Variants in CMBL observed in about 807,000 individuals in gnomAD.
CMBL encodes carboxymethylenebutenolidase homolog.
A neutral mutation model predicts 28.7 loss-of-function variants in CMBL; 17 were observed. The ratio of observed to expected loss-of-function variants is 0.59; its 90% CI spans 0.41 to 0.89. The LOEUF (loss-of-function observed/expected upper bound fraction) is 0.89, where lower values mean the gene tolerates loss of function less well. Among genes scored for constraint, CMBL ranks in the 40% least tolerant of loss-of-function variants. The probability of loss-of-function intolerance (pLI) is 0.00; values close to 1 mark genes in which losing one functional copy is unlikely to be tolerated. For missense variants in CMBL, 310 were observed against 298.5 expected, an observed-to-expected ratio of 1.04 and a Z score of -0.28; for synonymous variants, 106 against 101.6, an observed-to-expected ratio of 1.04 and a Z score of -0.26.
Position 10,289,038 on chromosome 5 carries a change from C to T in CMBL, c.216-509G>A, listed in dbSNP as rs146582056. ...CCTATCCAGAGGGTATGTTCTAAGA[C>T]GGGCAGCAGAGCACAAACAAGCCTG... On this transcript the variant is annotated intron_variant, in intron 2 of 5. Coordinates refer to ENST00000296658, the MANE Select transcript of CMBL (RefSeq NM_138809.4). The surrounding 1 kb of genome is among the most constrained non-coding windows in gnomAD (Gnocchi z 4.3). 3.5e-3 allele frequency among the ~76,000 whole-genome samples: 539 copies of T among 152,300 alleles called. 2 individuals are homozygous for T. The highest frequency in any genetic ancestry group is 0.017 in the Middle Eastern group (5 of 294).
intron 1 of CMBL, among the ~76,000 whole-genome samples, chr5:10,296,410 A>C (rs547393322): frequency 6.6e-6 from 1 of 152,250 alleles, no homozygotes; most frequent in African/African-American, 2.4e-5. Context: ...CCTCCCAAGT[A>C]GCTGGTACTA....
intron 1 of CMBL, among the ~76,000 whole-genome samples, chr5:10,306,689 T>C (rs1410554159): frequency 6.6e-6 from 1 of 152,212 alleles, no homozygotes; most frequent in Non-Finnish European, 1.5e-5. Context: ...TACTTATCCT[T>C]AGATGATTCT....
rs764854967 is a variant in CMBL at position 10,288,410 on chromosome 5, C to T, written c.323+12G>A. 8 of 1,602,940 alleles carry T rather than the reference C, an allele frequency of 5.0e-6. No homozygotes were observed. The highest frequency in any genetic ancestry group is 1.1e-5 in the South Asian group (1 of 90,870). On this transcript the variant is annotated intron_variant, in intron 3 of 5. Transcript: ENST00000296658. ...CACAACGTGCACATGGCCACGTCTG[C>T]GGATAACTCACCTATCGATCTTCTG... is the stretch of plus-strand genomic sequence containing the variant.
Position 10,289,652 on chromosome 5 carries a change from T to C in CMBL, c.215+896A>G, listed in dbSNP as rs536023024. 9.2e-5 allele frequency among the ~76,000 whole-genome samples: 14 copies of C among 152,266 alleles called. No homozygotes were observed. Among genetic ancestry groups the C allele is most frequent in the Admixed American group, 2.6e-4 (4 of 15,308 alleles). On this transcript the variant is annotated intron_variant, in intron 2 of 5. Transcript: ENST00000296658. This position sits in a 1 kb window ranked among gnomAD's most constrained non-coding sequence, Gnocchi z 4.3. ...GTCTGGCTGAGCAACTGAAACTAGC[T>C]ATTTATTTACTTATTTATTTTTACT... is the stretch of plus-strand genomic sequence containing the variant.
intron 1 of CMBL, among the ~76,000 whole-genome samples, chr5:10,292,888 A>T (rs1267262071): frequency 2.6e-5 from 4 of 151,946 alleles, no homozygotes; most frequent in Admixed American, 2.6e-4. Context: ...CACTAAACCC[A>T]AAGACATATG....
intron 5 of CMBL, 100 bp downstream of exon 5, chr5:10,282,097 T>C: frequency 2.6e-6 from 2 of 764,582 alleles, no homozygotes; most frequent in South Asian, 3.2e-5. Flanking sequence ...GAGGTGGAGG[T>C]TGCAGTGAGC....
intron 4 of CMBL, among the ~76,000 whole-genome samples, chr5:10,285,692 T>C (rs112470624): frequency 3.2e-3 from 86 of 27,010 alleles, no homozygotes; most frequent in South Asian, 6.8e-3. Flanking sequence ...TTCTTTCTCT[T>C]TCTTTTTCTT....
At chr5:10,300,272 C>T (rs1746877357) in intron 1 of CMBL, among the ~76,000 whole-genome samples, 1 of 152,144 alleles carries the variant, frequency 6.6e-6, no homozygotes, top group Non-Finnish European at 1.5e-5. Context: ...TGCTGGCCCC[C>T]CACCAGACGC....
At chr5:10,300,993 C>T (rs62362617) in intron 1 of CMBL, among the ~76,000 whole-genome samples, 3,279 of 151,292 alleles carry the variant, frequency 0.022, 40 homozygotes, top group Non-Finnish European at 0.033. Flanking sequence ...TAAATAACAA[C>T]CAAAAATATA....
In CMBL at chr5:10,282,214, C is replaced by G; in HGVS notation, c.541G>C (p.Val181Leu). 6.2e-7 allele frequency: 1 copy of G among 1,610,568 alleles called. No homozygotes were observed. Among genetic ancestry groups the G allele is most frequent in the Non-Finnish European group, 8.5e-7 (1 of 1,176,842 alleles). ...CAACTTACGTCCTTGAGTGGAATCACAACATCATTTTCAGCAAAAATGAAC... is the reference window on the plus strand; with the variant it reads ...CAACTTACGTCCTTGAGTGGAATCAGAACATCATTTTCAGCAAAAATGAAC... ...TLFIFAENDV[V>L]IPLKDVSLLT... is the part of the protein sequence containing the mutation. Residue 181 changes from valine to leucine, a missense_variant, in exon 5 of 6, where the codon GTG becomes CTG. By Grantham distance (32) the Val-to-Leu change is conservative. Transcript: ENST00000296658.
intron 1 of CMBL, among the ~76,000 whole-genome samples, chr5:10,302,619 G>A (rs1005679276): frequency 2.6e-5 from 4 of 151,544 alleles, no homozygotes; most frequent in African/African-American, 9.7e-5. Context: ...AAAAAGACAG[G>A]AAGGAGGAGT....
intron 1 of CMBL, among the ~76,000 whole-genome samples, chr5:10,303,239 C>A (rs996892359): frequency 2.0e-5 from 3 of 152,196 alleles, no homozygotes; most frequent in African/African-American, 4.8e-5. Context: ...CCAATGTATA[C>A]CTCACATGTA....
Position 10,289,933 on chromosome 5 carries a change from G to C in CMBL, c.215+615C>G, listed in dbSNP as rs1746675378. ...GGTTGATGCTTTCCGACGCTGGAGA[G>C]GAAGGAAGGTTCTGGCCCTCCTCTG... On this transcript the variant is annotated intron_variant, in intron 2 of 5. Transcript: ENST00000296658. The surrounding 1 kb of genome is among the most constrained non-coding windows in gnomAD (Gnocchi z 4.3). 6.6e-6 allele frequency among the ~76,000 whole-genome samples: 1 copy of C among 152,210 alleles called. No individual in the cohort carries two copies. The highest frequency in any genetic ancestry group is 1.5e-5 in the Non-Finnish European group (1 of 68,038).
intron 1 of CMBL, among the ~76,000 whole-genome samples, chr5:10,292,697 G>A (rs28591487): frequency 3.3e-5 from 5 of 151,698 alleles, no homozygotes; most frequent in African/African-American, 4.8e-5. Context: ...GGTGGCAGGC[G>A]CCTGTAGTCC....
In CMBL at chr5:10,280,370, G is replaced by A; in HGVS notation, c.*83C>T. The A allele has an allele frequency of 1.9e-6, 2 of 1,051,588 alleles. No homozygotes were observed. The highest frequency in any genetic ancestry group is 2.1e-4 in the Middle Eastern group (1 of 4,662). The allele number at this position is 1,051,588 out of a possible 1,614,324, so 65.1% of individuals were successfully genotyped here. A position where few individuals can be genotyped will look rare whatever the true frequency, so the allele number is the denominator to read the frequency against. ...ATTCCTACACTTATTTTATAAAAGT[G>A]AAAATTAAATCAAATGATCTAACTA... On this transcript the variant is annotated 3_prime_UTR_variant, in exon 6 of 6. Transcript: ENST00000296658.
intron 1 of CMBL, among the ~76,000 whole-genome samples, chr5:10,294,150 G>C (rs1398848749): frequency 3.3e-5 from 5 of 152,220 alleles, no homozygotes; most frequent in Admixed American, 2.0e-4. Flanking sequence ...AACAGAAAGA[G>C]CAAGGGGAGA....
At chr5:10,297,735 A>G (rs3857348) in intron 1 of CMBL, among the ~76,000 whole-genome samples, 83,743 of 151,800 alleles carry the variant, frequency 0.55, 24,178 homozygotes, top group Non-Finnish European at 0.62. Flanking sequence ...TGACCCCGGG[A>G]GAGAGGGAAC....
rs973743416 is a variant in CMBL at position 10,277,749 on chromosome 5, T to G, written c.*2704A>C. 5.3e-5 allele frequency among the ~76,000 whole-genome samples: 8 copies of G among 152,204 alleles called. No individual in the cohort carries two copies. The highest frequency in any genetic ancestry group is 1.3e-4 in the Admixed American group (2 of 15,276). On this transcript the variant is annotated 3_prime_UTR_variant, in exon 6 of 6. Coordinates refer to ENST00000296658, the MANE Select transcript of CMBL (RefSeq NM_138809.4). ...CTTTTTAAAGAAGTACGTGTGTGAC[T>G]TACATTATACTTCTATCTGCAGTGC...
intron 1 of CMBL, among the ~76,000 whole-genome samples, chr5:10,300,194 C>T (rs770140922): frequency 1.6e-4 from 24 of 152,154 alleles, no homozygotes; most frequent in African/African-American, 2.9e-4. Flanking sequence ...ACACAACAGA[C>T]GCACAGAAGA....
Sources: gnomAD v4.1 joint callset for allele counts (sites outside exome capture counted in the v4.1 genomes callset) on GRCh38, gnomAD v4.1.1 for gene constraint, Gnocchi (gnomAD v3.1) non-coding constraint, MANE v1.5 for transcripts, NCBI Gene and HGNC (gene_info 2026-07-23, HGNC 2026-07-21) for gene names.